CNTN4: variants seen among roughly 807,000 people sequenced by gnomAD.
The protein encoded by CNTN4 is contactin 4.
In CNTN4, 77 loss-of-function variants were observed where a neutral mutation model predicts 122.5. The ratio of observed to expected loss-of-function variants is 0.63; its 90% CI spans 0.52 to 0.76. The LOEUF (loss-of-function observed/expected upper bound fraction) is 0.76, where lower values mean the gene tolerates loss of function less well. Among genes scored for constraint, CNTN4 ranks in the 30% least tolerant of loss-of-function variants. The pLI, the probability that CNTN4 is intolerant of heterozygous loss-of-function variation, is 0.00. For synonymous variants in CNTN4, 512 were observed against 447.0 expected (o/e 1.15, Z -1.83); for missense variants, 1,256 against 1,259.1 (o/e 1.00, Z 0.04).
chr3:2,956,394 A>G (rs1020097293), intron 13 of CNTN4, among the ~76,000 whole-genome samples: 1 of 152,140 alleles, frequency 6.6e-6, no homozygotes, highest in African/African-American at 2.4e-5. Flanking sequence ...GACTGTACTT[A>G]ATGCCACTGA....
intron 2 of CNTN4, among the ~76,000 whole-genome samples, chr3:2,324,350 A>G (rs974626871): frequency 2.6e-5 from 4 of 152,144 alleles, no homozygotes; most frequent in Non-Finnish European, 4.4e-5. Flanking sequence ...GCACACTCAC[A>G]CTCATACTTT....
chr3:2,259,969 C>G (rs2040759084), intron 2 of CNTN4, among the ~76,000 whole-genome samples: 1 of 152,048 alleles, frequency 6.6e-6, no homozygotes, highest in African/African-American at 2.4e-5. Flanking sequence ...TTGTTATTTT[C>G]AAGTTTTTTT....
At chr3:2,935,038 T>C (rs2151455705) in intron 13 of CNTN4, among the ~76,000 whole-genome samples, 1 of 152,154 alleles carries the variant, frequency 6.6e-6, no homozygotes, top group Non-Finnish European at 1.5e-5. Flanking sequence ...TTTAGGGAGA[T>C]TGGTGTTTTA....
chr3:2,295,938 C>T (rs2042295405), intron 2 of CNTN4, among the ~76,000 whole-genome samples: 1 of 152,134 alleles, frequency 6.6e-6, no homozygotes, highest in South Asian at 2.1e-4. Flanking sequence ...ATAGGGAATC[C>T]TTTCCGCATT....
At chr3:2,812,097 G>A (rs2092626630) in intron 6 of CNTN4, among the ~76,000 whole-genome samples, 1 of 152,114 alleles carries the variant, frequency 6.6e-6, no homozygotes, top group Non-Finnish European at 1.5e-5. Context: ...CACATAAAGG[G>A]GAACACCACA....
intron 6 of CNTN4, among the ~76,000 whole-genome samples, chr3:2,798,279 G>T (rs1027812723): frequency 2.2e-5 from 2 of 91,734 alleles, no homozygotes; most frequent in South Asian, 5.0e-4. Flanking sequence ...GTATTCCATT[G>T]TGTGTGTGTG....
chr3:2,629,448 C>T (rs1046035481), intron 4 of CNTN4: 26 of 378,984 alleles, frequency 6.9e-5, no homozygotes, highest in African/African-American at 3.9e-4. Flanking sequence ...TTCCCAAGTC[C>T]GGTGATCACC....
chr3:2,496,883 G>A (rs1025845133), intron 3 of CNTN4, among the ~76,000 whole-genome samples: 8 of 152,066 alleles, frequency 5.3e-5, no homozygotes, highest in African/African-American at 1.7e-4. Context: ...TAAGAACTGG[G>A]GACTTCTCAT....
intron 3 of CNTN4, among the ~76,000 whole-genome samples, chr3:2,557,262 C>T (rs550062820): frequency 1.3e-5 from 2 of 152,238 alleles, no homozygotes; most frequent in South Asian, 4.1e-4. Context: ...ACAAACAAAG[C>T]AAAAATGCAG....
chr3:2,349,731 GACTCAGATA>G (rs2044536403), intron 3 of CNTN4, among the ~76,000 whole-genome samples: 1 of 152,142 alleles, frequency 6.6e-6, no homozygotes, highest in Non-Finnish European at 1.5e-5. Context: ...CAAACACGTG[GACTCAGATA>G]ATCTTACCCA....
At chr3:2,269,860 A>G (rs62244974) in intron 2 of CNTN4, among the ~76,000 whole-genome samples, 68,557 of 134,420 alleles carry the variant, frequency 0.51, 20,941 homozygotes, top group South Asian at 0.65. Flanking sequence ...CAGGACTAGT[A>G]GTTGCCACCA....
intron 3 of CNTN4, among the ~76,000 whole-genome samples, chr3:2,388,581 A>G (rs1171184461): frequency 6.6e-6 from 1 of 152,248 alleles, no homozygotes; most frequent in Non-Finnish European, 1.5e-5. Context: ...ACAGAGGCTT[A>G]CGCCTGTAAT....
intron 3 of CNTN4, among the ~76,000 whole-genome samples, chr3:2,429,558 G>T: frequency 6.6e-6 from 1 of 152,212 alleles, no homozygotes; most frequent in East Asian, 1.9e-4. Context: ...CAGTCTGTCC[G>T]TTCTCAGATC....
At chr3:2,143,446 A>T (rs757731202) in intron 2 of CNTN4, among the ~76,000 whole-genome samples, 23 of 152,324 alleles carry the variant, frequency 1.5e-4, no homozygotes, top group South Asian at 6.2e-4. Flanking sequence ...CTCCTTAGAT[A>T]ATTAATAATT....
intron 3 of CNTN4, among the ~76,000 whole-genome samples, chr3:2,483,671 T>A (rs1191384051): frequency 2.6e-5 from 4 of 152,144 alleles, no homozygotes; most frequent in African/African-American, 9.7e-5. Context: ...TCTCATGAGA[T>A]CTGATGGTTT....
At chr3:2,125,768 G>A (rs2034107921) in intron 2 of CNTN4, among the ~76,000 whole-genome samples, 1 of 151,754 alleles carries the variant, frequency 6.6e-6, no homozygotes, top group Admixed American at 6.6e-5. Flanking sequence ...GTGTTAAGCA[G>A]GATGGTCTCG....
intron 2 of CNTN4, among the ~76,000 whole-genome samples, chr3:2,202,836 C>G (rs1256360635): frequency 1.3e-5 from 2 of 148,526 alleles, no homozygotes; most frequent in African/African-American, 2.5e-5. Context: ...TTTTTTTTTT[C>G]TTTTTGAGAT....
chr3:2,835,544 G>C (rs1017100960), intron 7 of CNTN4, among the ~76,000 whole-genome samples: 11 of 152,058 alleles, frequency 7.2e-5, no homozygotes, highest in Non-Finnish European at 1.6e-4. Context: ...ATATAGGCCA[G>C]GCCTTATTTT....
chr3:2,900,591 T>C (rs1447263507), intron 10 of CNTN4, 94 bp from the exon 11 acceptor site: 1 of 1,362,510 alleles, frequency 7.3e-7, no homozygotes, highest in Non-Finnish European at 1.0e-6. Flanking sequence ...GGAATTTTAT[T>C]ATAAGTGTAC....
Sources: allele counts gnomAD v4.1 joint callset (sites outside exome capture counted in the v4.1 genomes callset), GRCh38; gene constraint gnomAD v4.1.1; transcripts MANE v1.5; gene names NCBI Gene and HGNC (gene_info 2026-07-23, HGNC 2026-07-21).